The following TMEM163 variants were observed in gnomAD, a reference collection of about 807,000 sequenced individuals.
The protein encoded by TMEM163 is transmembrane protein 163.
TMEM163 carries 17 observed loss-of-function variants against 29.3 expected under a neutral mutation model. The ratio of observed to expected loss-of-function variants is 0.58; its 90% CI spans 0.40 to 0.87. The LOEUF (loss-of-function observed/expected upper bound fraction) is 0.87, where lower values mean the gene tolerates loss of function less well. Ranked by LOEUF, TMEM163 falls within the 40% of genes least tolerant of loss-of-function variation. TMEM163 has a pLI of 0.00. For missense variants in TMEM163, 303 were observed against 381.5 expected, an observed-to-expected ratio of 0.79 and a Z score of 1.71; for synonymous variants, 157 against 160.6, an observed-to-expected ratio of 0.98 and a Z score of 0.17.
intron 4 of TMEM163, among the ~76,000 whole-genome samples, chr2:134,527,150 C>G (rs1680313719): frequency 6.6e-6 from 1 of 152,160 alleles, no homozygotes. Flanking sequence ...TTAGCTATAA[C>G]TAGGATAAAA....
At chr2:134,568,256 G>A (rs557494851) in intron 2 of TMEM163, among the ~76,000 whole-genome samples, 1 of 152,310 alleles carries the variant, frequency 6.6e-6, no homozygotes, top group East Asian at 1.9e-4. Context: ...AGGGCGTGGT[G>A]GCTCACACCT....
intron 2 of TMEM163, among the ~76,000 whole-genome samples, chr2:134,663,162 A>C (rs1045588534): frequency 2.0e-5 from 3 of 152,258 alleles, no homozygotes; most frequent in African/African-American, 7.2e-5. Context: ...GAACTGCAAA[A>C]AGGCACATAG....
intron 4 of TMEM163, among the ~76,000 whole-genome samples, chr2:134,529,329 T>C (rs1412067225): frequency 6.6e-6 from 1 of 151,810 alleles, no homozygotes; most frequent in African/African-American, 2.4e-5. Flanking sequence ...TCGCTCTGTC[T>C]CAAAAACAAA....
chr2:134,587,068 GA>G (rs11384847), intron 2 of TMEM163, among the ~76,000 whole-genome samples: 4 of 150,704 alleles, frequency 2.7e-5, no homozygotes, highest in Non-Finnish European at 3.0e-5. Flanking sequence ...TTAAAGTCCT[GA>G]AAAAAAAATG....
At chr2:134,469,570 T>A (rs1686745540) in intron 5 of TMEM163, 1 of 152,264 alleles carries the variant, frequency 6.6e-6, no homozygotes. Context: ...CAGAGACATC[T>A]GCATGAGTGA....
chr2:134,708,628 C>T lies in TMEM163; in HGVS notation c.322+4572G>A, dbSNP rs372520118. Among the ~76,000 whole-genome samples the T allele has an allele frequency of 1.1e-4, 17 of 150,670 alleles. No homozygotes were observed. In the East Asian group the frequency reaches 3.1e-3, roughly 28 times the overall value. ...TTGAGACAGAGTCTTGCTCTGTCAC[C>T]CAGGCTGGAGTGCAGTGGCATGATC... On this transcript the variant is annotated intron_variant, in intron 2 of 7. Coordinates refer to ENST00000281924, the MANE Select transcript of TMEM163 (RefSeq NM_030923.5).
intron 4 of TMEM163, among the ~76,000 whole-genome samples, chr2:134,512,901 C>T (rs1679980734): frequency 6.6e-6 from 1 of 152,166 alleles, no homozygotes; most frequent in African/African-American, 2.4e-5. Context: ...GGCTGTGGCA[C>T]TATCCAGGCC....
At chr2:134,474,157 A>G (rs918905847) in intron 5 of TMEM163, among the ~76,000 whole-genome samples, 3 of 152,250 alleles carry the variant, frequency 2.0e-5, no homozygotes, top group African/African-American at 7.2e-5. Context: ...AGGATAATAC[A>G]ACATGACCAA....
chr2:134,622,809 C>T (rs1682768851), intron 2 of TMEM163, among the ~76,000 whole-genome samples: 1 of 152,100 alleles, frequency 6.6e-6, no homozygotes, highest in African/African-American at 2.4e-5. Flanking sequence ...GTTGCCCAGA[C>T]TGGAGTGGAG....
intron 2 of TMEM163, among the ~76,000 whole-genome samples, chr2:134,590,647 GC>G (rs1378936970): frequency 6.6e-6 from 1 of 152,206 alleles, no homozygotes; most frequent in Non-Finnish European, 1.5e-5. Flanking sequence ...AGGCAGAACA[GC>G]CCTGAGGGCT....
chr2:134,644,142 C>T (rs1034598170), intron 2 of TMEM163, among the ~76,000 whole-genome samples: 1 of 152,026 alleles, frequency 6.6e-6, no homozygotes, highest in East Asian at 1.9e-4. Flanking sequence ...AGACATACTG[C>T]ATTCAAGAAT....
rs148163370 is a variant in TMEM163, at chr2:134,638,082, G to A, written c.322+75118C>T. Among the ~76,000 whole-genome samples, 408 of 152,292 alleles carry A rather than the reference G, an allele frequency of 2.7e-3. 2 individuals are homozygous for A. The highest frequency in any genetic ancestry group is 9.2e-3 in the African/African-American group (382 of 41,548). ...CTGTTTGTTTAACACAAATAGAGACGTATTAATATATACATTGTTTTGCCT... is the reference window on the plus strand; with the variant it reads ...CTGTTTGTTTAACACAAATAGAGACATATTAATATATACATTGTTTTGCCT... On this transcript the variant is annotated intron_variant, in intron 2 of 7. Coordinates refer to ENST00000281924, the MANE Select transcript of TMEM163 (RefSeq NM_030923.5).
At chr2:134,513,013 G>A (rs1443429295) in intron 4 of TMEM163, among the ~76,000 whole-genome samples, 1 of 152,204 alleles carries the variant, frequency 6.6e-6, no homozygotes, top group Non-Finnish European at 1.5e-5. Context: ...GGCAAATGAT[G>A]ATATGGATCA....
At chr2:134,594,418 T>G (rs1682014759) in intron 2 of TMEM163, among the ~76,000 whole-genome samples, 1 of 152,100 alleles carries the variant, frequency 6.6e-6, no homozygotes. Context: ...TAGGTGGTAA[T>G]TACATCCCAT....
At chr2:134,704,958 C>G (rs1558998455) in intron 2 of TMEM163, among the ~76,000 whole-genome samples, 1 of 152,098 alleles carries the variant, frequency 6.6e-6, no homozygotes. Context: ...CCTGTAATCC[C>G]AGTACCTTGG....
intron 2 of TMEM163, among the ~76,000 whole-genome samples, chr2:134,661,350 T>C (rs1001165408): frequency 1.3e-5 from 2 of 152,338 alleles, no homozygotes; most frequent in African/African-American, 4.8e-5. Context: ...TACTCTGTTA[T>C]AGCAACACGA....
rs552688879 is a variant in TMEM163 at position 134,477,498 on chromosome 2, T to C, written c.556-11273A>G. Among the ~76,000 whole-genome samples the C allele has an allele frequency of 2.8e-4, 43 of 152,298 alleles. No individual in the cohort carries two copies. The South Asian group carries it at 7.5e-3, about 26-fold the overall frequency. Reference sequence around the variant, plus strand: ...TCATGAGAGTGTTTAGTATGTATCATAGCCATGTGGAATGGGAAATTTCTG... The same window carrying C: ...TCATGAGAGTGTTTAGTATGTATCACAGCCATGTGGAATGGGAAATTTCTG... On this transcript the variant is annotated intron_variant, in intron 5 of 7. Coordinates refer to ENST00000281924, the MANE Select transcript of TMEM163 (RefSeq NM_030923.5).
intron 2 of TMEM163, among the ~76,000 whole-genome samples, chr2:134,584,896 C>A (rs956927136): frequency 2.0e-5 from 3 of 152,132 alleles, no homozygotes; most frequent in Non-Finnish European, 4.4e-5. Flanking sequence ...TGTCCAGAAT[C>A]AAAGAGCTGG....
intron 2 of TMEM163, among the ~76,000 whole-genome samples, chr2:134,656,952 T>A (rs2104854816): frequency 6.6e-6 from 1 of 152,352 alleles, no homozygotes; most frequent in African/African-American, 2.4e-5. Flanking sequence ...GCCTACTTGA[T>A]CATGGTGAAT....
Sources: gnomAD v4.1 joint callset for allele counts (sites outside exome capture counted in the v4.1 genomes callset) on GRCh38, gnomAD v4.1.1 for gene constraint, MANE v1.5 for transcripts, NCBI Gene and HGNC (gene_info 2026-07-23, HGNC 2026-07-21) for gene names.